The following MYH9 variants were observed in gnomAD, a reference collection of about 807,000 sequenced individuals.
MYH9 encodes the protein myosin heavy chain 9.
A neutral mutation model predicts 241.9 loss-of-function variants in MYH9; 29 were observed. The ratio of observed to expected loss-of-function variants is 0.12; its 90% CI spans 0.09 to 0.16. The LOEUF (loss-of-function observed/expected upper bound fraction) is 0.16. MYH9 is among the 10% of genes least tolerant of loss of function. The pLI is 1.00. For missense variants in MYH9, 1,803 were observed against 2,595.5 expected (o/e 0.69, Z 6.63); for synonymous variants, 1,047 against 1,062.6 (o/e 0.99, Z 0.29).
At chr22:36,323,959 G>A (rs920408407) in intron 5 of MYH9, among the ~76,000 whole-genome samples, 2 of 152,226 alleles carry the variant, frequency 1.3e-5, no homozygotes, top group African/African-American at 2.4e-5. Context: ...GCGGGCCTGG[G>A]AAGTCGGCTG....
At chr22:36,283,311 T>C (rs900437448) in intron 40 of MYH9, among the ~76,000 whole-genome samples, 1 of 150,536 alleles carries the variant, frequency 6.6e-6, no homozygotes, top group Non-Finnish European at 1.5e-5. Flanking sequence ...CCGAGGCGGG[T>C]GGAGCACCTG....
At chr22:36,298,796 T>G (rs918660042) in intron 24 of MYH9, 123 bp downstream of exon 24, 5 of 1,454,390 alleles carry the variant, frequency 3.4e-6, no homozygotes, top group Non-Finnish European at 4.7e-6. Context: ...AGTGCTGTAG[T>G]GTGACCCAGG....
At chr22:36,297,204 C>A in intron 24 of MYH9, 190 bp from the exon 25 acceptor site, 1 of 645,786 alleles carries the variant, frequency 1.5e-6, no homozygotes, top group Non-Finnish European at 2.7e-6. Flanking sequence ...TAGCCCCTGG[C>A]ATGTCTCTCT....
chr22:36,295,619 C>T lies in MYH9; in HGVS notation c.3371G>A (p.Arg1124His), dbSNP rs765237081. The change falls in exon 26 of 41, where the codon CGT becomes CAT. Residue 1124 changes from arginine (R) to histidine (H), a missense_variant. Arg to His is a conservative substitution (Grantham distance 29, BLOSUM62 0). This residue lies in a region of MYH9 where 290 missense variants were observed against 360.5 expected (regional missense o/e 0.80). Coordinates refer to ENST00000216181, the MANE Select transcript of MYH9 (RefSeq NM_002473.6). This position sits in a 1 kb window ranked among gnomAD's most constrained non-coding sequence, Gnocchi z 4.1. ...CTTCTCAGCTTTATTCCTGGAAGCA[C>T]GCTCAGACTCCAGGTCTTCCTGGAG... ...SELQEDLESE[R>H]ASRNKAEKQK... 6.2e-6 allele frequency: 10 copies of T among 1,613,820 alleles called. No homozygotes were observed. The highest frequency in any genetic ancestry group is 2.2e-5 in the South Asian group (2 of 91,072).
intron 14 of MYH9, among the ~76,000 whole-genome samples, chr22:36,310,305 T>C (rs1176224165): frequency 2.0e-5 from 3 of 150,792 alleles, no homozygotes; most frequent in Non-Finnish European, 4.4e-5. Flanking sequence ...AGGGTCTCAC[T>C]ATGTTGCCCA....
At chr22:36,298,592 G>A (rs541896454) in intron 24 of MYH9, among the ~76,000 whole-genome samples, 4 of 152,182 alleles carry the variant, frequency 2.6e-5, no homozygotes, top group African/African-American at 9.6e-5. Context: ...GTCAAACCCG[G>A]AGCCTCCTAG....
chr22:36,295,613 G>C lies in MYH9; in HGVS notation c.3377C>G (p.Ser1126Cys), dbSNP rs759328593. Residue 1126 changes from serine (S) to cysteine (C), a missense_variant, in exon 26 of 41, where the codon TCC becomes TGC. Around this residue, in one of 11 missense-constraint regions of MYH9, gnomAD observed 290 missense variants for 360.5 expected, o/e 0.80. Coordinates refer to ENST00000216181, the MANE Select transcript of MYH9 (RefSeq NM_002473.6). This position sits in a 1 kb window ranked among gnomAD's most constrained non-coding sequence, Gnocchi z 4.1. ...TTTCTGCTTCTCAGCTTTATTCCTG[G>C]AAGCACGCTCAGACTCCAGGTCTTC... ...LQEDLESERA[S>C]RNKAEKQKRD... 9.3e-6 allele frequency: 15 copies of C among 1,613,930 alleles called. No homozygotes were observed. The highest frequency in any genetic ancestry group is 1.3e-5 in the Non-Finnish European group (15 of 1,180,000).
Position 36,288,564 on chromosome 22 carries a change from G to C in MYH9, c.4771-151C>G. 1 of 1,352,234 alleles carries C rather than the reference G, an allele frequency of 7.4e-7. No homozygotes were observed. Among genetic ancestry groups the C allele is most frequent in the Non-Finnish European group, 1.0e-6 (1 of 959,574 alleles). 83.8% of individuals were successfully genotyped at this position (1,352,234 alleles called of 1,614,324 possible). ...TACTGACCATAAGAACTCTAAGAAAGTGAGTCACTGAACCCCGAGACAGGA... is the reference window on the plus strand; with the variant it reads ...TACTGACCATAAGAACTCTAAGAAACTGAGTCACTGAACCCCGAGACAGGA... On this transcript the variant is annotated intron_variant, in intron 33 of 40. Coordinates refer to ENST00000216181, the MANE Select transcript of MYH9 (RefSeq NM_002473.6). This position sits in a 1 kb window ranked among gnomAD's most constrained non-coding sequence, Gnocchi z 4.8.
chr22:36,288,944 G>T lies in MYH9; in HGVS notation c.4558-5C>A. 1.2e-6 allele frequency: 2 copies of T among 1,613,704 alleles called. No homozygotes were observed. Among genetic ancestry groups the T allele is most frequent in the South Asian group, 2.2e-5 (2 of 91,072 alleles). On this transcript the variant is annotated splice_polypyrimidine_tract_variant and splice_region_variant and intron_variant, in intron 32 of 40. Transcript: ENST00000216181. The surrounding 1 kb of genome is among the most constrained non-coding windows in gnomAD (Gnocchi z 4.8). ...GGACTTCTCCAGCTCGTGGACCTGA[G>T]CCCCAGAGAGCCCAAGTCAGGAGCA...
At chr22:36,323,158 T>C (rs2017283173) in intron 5 of MYH9, among the ~76,000 whole-genome samples, 1 of 151,010 alleles carries the variant, frequency 6.6e-6, no homozygotes, top group Non-Finnish European at 1.5e-5. Context: ...CAGGGTGCTT[T>C]GTGGTAGACA....
chr22:36,367,853 C>T (rs59007085), intron 1 of MYH9, among the ~76,000 whole-genome samples: 1 of 152,170 alleles, frequency 6.6e-6, no homozygotes, highest in Non-Finnish European at 1.5e-5. Context: ...GAGCCCCAGG[C>T]CCCCTCCTCC....
rs1468267358 is a variant in MYH9, at chr22:36,329,164, G to A, written c.491-1676C>T. Among the ~76,000 whole-genome samples the A allele has an allele frequency of 1.3e-5, 2 of 152,158 alleles. No homozygotes were observed. The highest frequency in any genetic ancestry group is 2.4e-5 in the African/African-American group (1 of 41,434). ...ATCAACGGGGTGGGGGCGCAGAGGGGCTGGGTCACTCTCATTCACAAACAC... is the reference window on the plus strand; with the variant it reads ...ATCAACGGGGTGGGGGCGCAGAGGGACTGGGTCACTCTCATTCACAAACAC... On this transcript the variant is annotated intron_variant, in intron 3 of 40. Coordinates refer to ENST00000216181, the MANE Select transcript of MYH9 (RefSeq NM_002473.6). The surrounding 1 kb of genome is among the most constrained non-coding windows in gnomAD (Gnocchi z 4.1).
intron 24 of MYH9, among the ~76,000 whole-genome samples, chr22:36,298,329 C>G (rs1042911592): frequency 1.3e-5 from 2 of 152,110 alleles, no homozygotes; most frequent in African/African-American, 2.4e-5. Context: ...CCCAGCACCC[C>G]CTCCCTGCCA....
chr22:36,336,625 C>G (rs1306923455), intron 3 of MYH9, among the ~76,000 whole-genome samples: 1 of 152,218 alleles, frequency 6.6e-6, no homozygotes, highest in African/African-American at 2.4e-5. Flanking sequence ...ATGGGAAAGC[C>G]AGGGGCAGGA....
rs1200145101 is a variant in MYH9 at position 36,288,751 on chromosome 22, C to T, written c.4746G>A (p.Glu1582=). Reference sequence around the variant, plus strand: ...CCTGTCTGACCAGCTGCTTCTTCTTCTCCTCGCTCTGCTCGTCCCGGCCCT... The same window carrying T: ...CCTGTCTGACCAGCTGCTTCTTCTTTTCCTCGCTCTGCTCGTCCCGGCCCT... ...DLQGRDEQSE[E]KKKQLVRQVR... Residue 1582 remains glutamate, a synonymous_variant, in exon 33 of 41, where the codon GAG becomes GAA. Transcript: ENST00000216181. The surrounding 1 kb of genome is among the most constrained non-coding windows in gnomAD (Gnocchi z 4.8). The T allele has an allele frequency of 1.9e-6, 3 of 1,606,176 alleles. No homozygotes were observed. Among genetic ancestry groups the T allele is most frequent in the Non-Finnish European group, 1.7e-6 (2 of 1,179,976 alleles).
At chr22:36,386,797 C>T (rs2018358600) in intron 1 of MYH9, among the ~76,000 whole-genome samples, 1 of 152,246 alleles carries the variant, frequency 6.6e-6, no homozygotes, top group African/African-American at 2.4e-5. Flanking sequence ...AATGAGGGTG[C>T]CGCAGTCCTG....
chr22:36,385,855 C>T (rs1417975402), intron 1 of MYH9, among the ~76,000 whole-genome samples: 2 of 152,234 alleles, frequency 1.3e-5, no homozygotes, highest in Non-Finnish European at 2.9e-5. Context: ...CAATTATCCA[C>T]TAAGTGGCTC....
intron 3 of MYH9, among the ~76,000 whole-genome samples, chr22:36,341,029 G>C (rs1473229861): frequency 1.3e-5 from 2 of 151,764 alleles, no homozygotes; most frequent in African/African-American, 4.9e-5. Context: ...GAAAGGAAGA[G>C]GGAAAAACAC....
At chr22:36,361,085 T>C (rs2017929618) in intron 1 of MYH9, among the ~76,000 whole-genome samples, 1 of 151,994 alleles carries the variant, frequency 6.6e-6, no homozygotes, top group African/African-American at 2.4e-5. Flanking sequence ...AGGCCCTCAC[T>C]CTCCCCAGGC....
Sources: allele counts gnomAD v4.1 joint callset (sites outside exome capture counted in the v4.1 genomes callset), GRCh38; gene constraint gnomAD v4.1.1; regional missense constraint gnomAD v4.1.1; non-coding constraint Gnocchi (gnomAD v3.1); transcripts MANE v1.5; gene names NCBI Gene and HGNC (gene_info 2026-07-23, HGNC 2026-07-21).